KANK1: variants seen among roughly 807,000 people sequenced by gnomAD.
KANK1 encodes KN motif and ankyrin repeat domain-containing protein 1.
A neutral mutation model predicts 106.2 loss-of-function variants in KANK1; 109 were observed. The ratio of observed to expected loss-of-function variants is 1.03; its 90% CI spans 0.88 to 1.20. KANK1 has a LOEUF of 1.20. Among genes scored for constraint, KANK1 ranks in the 50% most tolerant of loss-of-function variants. The pLI, the probability that KANK1 is intolerant of heterozygous loss-of-function variation, is 0.00. For synonymous variants in KANK1, 873 were observed against 652.2 expected, an observed-to-expected ratio of 1.34 and a Z score of -5.16; for missense variants, 2,399 against 1,710.7, an observed-to-expected ratio of 1.40 and a Z score of -7.10.
rs557450152 is a variant in KANK1, at chr9:716,121, G to A, written c.2698+2657G>A. On this transcript the variant is annotated intron_variant, in intron 3 of 11. Transcript: ENST00000382297. ...TTGGGTCTGACACCTACCAAAAAGA[G>A]CATATAAATGATCACTTATATGAAC... Among the ~76,000 whole-genome samples, 34 of 152,308 alleles carry A rather than the reference G, an allele frequency of 2.2e-4. No homozygotes were observed. In the South Asian group the frequency reaches 7.0e-3, roughly 32 times the overall value.
intron 6 of KANK1, chr9:733,183 A>G (rs781096774): frequency 1.3e-5 from 2 of 152,274 alleles, no homozygotes; most frequent in Non-Finnish European, 2.9e-5. Context: ...TGGCTGAAAT[A>G]TGTGCCTCAG....
At position 738,463 on chromosome 9, in the gene KANK1, C is replaced by A; in HGVS notation, c.3512C>A (p.Ser1171Tyr). The stretch of plus-strand genomic sequence containing the variant: ...AACACAGCCCTCCATTACAGCGTGT[C>A]CCACTCCAACTTCGAGATTGTGAAG... ...NGNTALHYSV[S>Y]HSNFEIVKLL... Residue 1171 changes from serine (S) to tyrosine (Y), a missense_variant, in exon 8 of 12, where the codon TCC becomes TAC. By Grantham distance (144) the Ser-to-Tyr change is moderately radical. Transcript: ENST00000382297. 1 of 1,614,160 alleles carries A rather than the reference C, an allele frequency of 6.2e-7. No homozygotes were observed. Among genetic ancestry groups the A allele is most frequent in the South Asian group, 1.1e-5 (1 of 91,070 alleles).
Position 712,802 on chromosome 9 carries a change from A to T in KANK1, c.2036A>T (p.Gln679Leu). 1 of 1,613,848 alleles carries T rather than the reference A, an allele frequency of 6.2e-7. No individual in the cohort carries two copies. The highest frequency in any genetic ancestry group is 8.5e-7 in the Non-Finnish European group (1 of 1,179,906). The change falls in exon 3 of 12, where the codon CAG becomes CTG. Residue 679 changes from glutamine to leucine, a missense_variant. Gln to Leu is a moderately radical substitution (Grantham distance 113). Coordinates refer to ENST00000382297, the MANE Select transcript of KANK1 (RefSeq NM_015158.5). ...CAGGACACTAGCACAGATTTGGAAC[A>T]GGTGCACCAGTTCACCAACACCGAG... ...ADQDTSTDLE[Q>L]VHQFTNTETA...
intron 1 of KANK1, among the ~76,000 whole-genome samples, chr9:623,545 C>A (rs564831972): frequency 6.7e-6 from 1 of 149,236 alleles, no homozygotes; most frequent in Admixed American, 6.8e-5. Flanking sequence ...GTCGAGACTG[C>A]ATTGAGCCAA....
chr9:591,426 G>A (rs1588080687), intron 1 of KANK1, among the ~76,000 whole-genome samples: 1 of 151,740 alleles, frequency 6.6e-6, no homozygotes, highest in South Asian at 2.1e-4. Context: ...AGCTCGTCAT[G>A]GCATTCTTGT....
intron 8 of KANK1, among the ~76,000 whole-genome samples, chr9:740,151 T>A (rs931174661): frequency 1.4e-4 from 22 of 152,198 alleles, no homozygotes; most frequent in Admixed American, 3.9e-4. Context: ...GCCCGAAGGA[T>A]AATTTTATCC....
rs183157854 is a variant in KANK1 at position 623,966 on chromosome 9, T to C, written c.-83-52924T>C. On this transcript the variant is annotated intron_variant, in intron 1 of 11. Transcript: ENST00000382297. ...AGCATTACTCACAATAGCAAAGATA[T>C]GGAAACAACCCAAGTGCCATTTATC... Among the ~76,000 whole-genome samples, 266 of 151,984 alleles carry C rather than the reference T, an allele frequency of 1.8e-3. 3 individuals are homozygous for C. The highest frequency in any genetic ancestry group is 6.1e-3 in the African/African-American group (253 of 41,420).
At position 730,232 on chromosome 9, in the gene KANK1, C is replaced by A; in HGVS notation, c.2880C>A (p.Ile960=). Residue 960 remains isoleucine (I), a synonymous_variant, in exon 4 of 12, where the codon ATC becomes ATA. Coordinates refer to ENST00000382297, the MANE Select transcript of KANK1 (RefSeq NM_015158.5). ...CAGTGAACCTGACAGACGACCAGAT[C>A]GCCGCTGGCCTCTATGGTAACTTTT... ...LSPVNLTDDQ[I]AAGLYACTNN... 6.2e-7 allele frequency: 1 copy of A among 1,614,190 alleles called. No individual in the cohort carries two copies. Among genetic ancestry groups the A allele is most frequent in the African/African-American group, 1.3e-5 (1 of 75,052 alleles).
intron 1 of KANK1, among the ~76,000 whole-genome samples, chr9:670,963 T>TC (rs1563960926): frequency 7.0e-6 from 1 of 143,744 alleles, no homozygotes; most frequent in African/African-American, 2.5e-5. Flanking sequence ...TTTTTTTTTT[T>TC]TTTTTTTTTT....
At chr9:631,102 T>TA (rs1835624389) in intron 1 of KANK1, among the ~76,000 whole-genome samples, 1 of 152,156 alleles carries the variant, frequency 6.6e-6, no homozygotes, top group South Asian at 2.1e-4. Context: ...TTGCTGCTGT[T>TA]ATTGTTGTTT....
chr9:680,176 G>T (rs937803355), intron 2 of KANK1, among the ~76,000 whole-genome samples: 1 of 152,166 alleles, frequency 6.6e-6, no homozygotes, highest in Non-Finnish European at 1.5e-5. Context: ...GAAATTTCAT[G>T]TGACGATGGA....
At chr9:682,382 T>C (rs1481470323) in intron 2 of KANK1, among the ~76,000 whole-genome samples, 1 of 152,196 alleles carries the variant, frequency 6.6e-6, no homozygotes, top group Admixed American at 6.5e-5. Flanking sequence ...GTCTTATTTT[T>C]AGTATTTATT....
In KANK1 at chr9:730,185, A is replaced by G; in HGVS notation, c.2833A>G (p.Thr945Ala). ...KPISSLDAFPTQEGTLSPVNL... is the reference protein window; with the variant it reads ...KPISSLDAFPAQEGTLSPVNL... The stretch of plus-strand genomic sequence containing the variant: ...AATCAGCAGCCTGGATGCCTTCCCC[A>G]CTCAGGAAGGTACGCTGTCTCCAGT... Residue 945 changes from threonine (T) to alanine (A), a missense_variant, in exon 4 of 12, where the codon ACT (threonine) becomes GCT (alanine). Coordinates refer to ENST00000382297, the MANE Select transcript of KANK1 (RefSeq NM_015158.5). 3.1e-6 allele frequency: 5 copies of G among 1,614,104 alleles called. No homozygotes were observed. Among genetic ancestry groups the G allele is most frequent in the Non-Finnish European group, 4.2e-6 (5 of 1,179,998 alleles).
chr9:660,944 C>G (rs1359474755), intron 1 of KANK1, among the ~76,000 whole-genome samples: 1 of 152,188 alleles, frequency 6.6e-6, no homozygotes, highest in African/African-American at 2.4e-5. Flanking sequence ...TGAGACCAAC[C>G]TTCCATCAAA....
intron 1 of KANK1, among the ~76,000 whole-genome samples, chr9:614,954 C>T (rs1308581757): frequency 4.6e-5 from 7 of 151,778 alleles, no homozygotes; most frequent in African/African-American, 1.7e-4. Flanking sequence ...TACCCATCCC[C>T]CCCCTGCCCT....
intron 8 of KANK1, among the ~76,000 whole-genome samples, chr9:739,057 C>G (rs2132101083): frequency 6.6e-6 from 1 of 152,274 alleles, no homozygotes; most frequent in Admixed American, 6.5e-5. Flanking sequence ...GAGCAAAGGG[C>G]ATGTTATTCT....
intron 1 of KANK1, among the ~76,000 whole-genome samples, chr9:631,895 G>C (rs183755306): frequency 8.9e-4 from 136 of 152,246 alleles, no homozygotes; most frequent in Non-Finnish European, 1.5e-3. Context: ...TCACATACCA[G>C]TTTGGGTTAT....
intron 7 of KANK1, among the ~76,000 whole-genome samples, chr9:737,604 G>A (rs1226743199): frequency 6.6e-6 from 1 of 152,160 alleles, no homozygotes; most frequent in Non-Finnish European, 1.5e-5. Flanking sequence ...TCAGAGTGGA[G>A]CTGATGAGAG....
intron 3 of KANK1, among the ~76,000 whole-genome samples, chr9:474,928 A>G (rs7868681): frequency 0.081 from 12,283 of 152,220 alleles, 1,728 homozygotes; most frequent in African/African-American, 0.28. Context: ...TACTTGTTAC[A>G]GTAGATAGGC....
Sources: gnomAD v4.1 joint callset for allele counts (sites outside exome capture counted in the v4.1 genomes callset) on GRCh38, gnomAD v4.1.1 for gene constraint, MANE v1.5 for transcripts, NCBI Gene and HGNC (gene_info 2026-07-23, HGNC 2026-07-21) for gene names.